Variants in TTI1 observed in about 807,000 individuals in gnomAD.
TTI1 encodes TELO2 interacting protein 1.
A neutral mutation model predicts 85.4 loss-of-function variants in TTI1; 52 were observed. That is an observed-to-expected ratio of 0.61 (90% CI 0.49 to 0.77). TTI1 has a LOEUF of 0.77. TTI1 is among the 30% of genes least tolerant of loss of function. The pLI is 0.00. For synonymous variants in TTI1, 512 were observed against 503.9 expected (o/e 1.02, Z -0.22); for missense variants, 1,173 against 1,296.0 (o/e 0.91, Z 1.46).
intron 1 of TTI1, among the ~76,000 whole-genome samples, chr20:38,026,084 T>C (rs2073833437): frequency 6.6e-6 from 1 of 152,204 alleles, no homozygotes; most frequent in Non-Finnish European, 1.5e-5. Context: ...AGACTCTTCA[T>C]AATTTAATTT....
At chr20:38,025,499 G>A (rs1444790382) in intron 1 of TTI1, among the ~76,000 whole-genome samples, 1 of 151,946 alleles carries the variant, frequency 6.6e-6, no homozygotes, top group African/African-American at 2.4e-5. Context: ...AACCCGGAAG[G>A]TGGAGGTTGC....
At chr20:37,984,738 T>C (rs963207450) in intron 7 of TTI1, among the ~76,000 whole-genome samples, 1 of 152,180 alleles carries the variant, frequency 6.6e-6, no homozygotes, top group African/African-American at 2.4e-5. Context: ...CTAGCACATA[T>C]TGACCATTGA....
chr20:38,011,233 C>T (rs1007819943), intron 2 of TTI1, among the ~76,000 whole-genome samples: 10 of 152,210 alleles, frequency 6.6e-5, no homozygotes, highest in African/African-American at 2.4e-4. Flanking sequence ...TAGGATGTCA[C>T]TGACCCTTAG....
In TTI1 at chr20:37,999,199, T is replaced by C; in HGVS notation, c.2782A>G (p.Arg928Gly). 1 of 1,471,242 alleles carries C rather than the reference T, an allele frequency of 6.8e-7. No homozygotes were observed. Among genetic ancestry groups the C allele is most frequent in the East Asian group, 2.6e-5 (1 of 38,634 alleles). The allele number at this position is 1,471,242 out of a possible 1,614,324, so 91.1% of individuals were successfully genotyped here. A position where few individuals can be genotyped will look rare whatever the true frequency, so the allele number is the denominator to read the frequency against. ...LTRDAPLAVL[R>G]AFKVLRTLGS... ...TGCTGGTGCAGTACCTTGAAGGCTCTAAGCACTGCCAGGGGGGCGTCCCGT... is the reference window on the plus strand; with the variant it reads ...TGCTGGTGCAGTACCTTGAAGGCTCCAAGCACTGCCAGGGGGGCGTCCCGT... Residue 928 changes from arginine (R) to glycine (G), a missense_variant, in exon 5 of 8, where the codon AGA becomes GGA. Transcript: ENST00000373447.
chr20:38,026,079 C>T (rs1393877283), intron 1 of TTI1, among the ~76,000 whole-genome samples: 1 of 152,200 alleles, frequency 6.6e-6, no homozygotes, highest in Non-Finnish European at 1.5e-5. Flanking sequence ...TCCCAAGACT[C>T]TTCATAATTT....
chr20:38,020,848 G>A (rs1316208368), intron 1 of TTI1, among the ~76,000 whole-genome samples: 1 of 152,150 alleles, frequency 6.6e-6, no homozygotes, highest in Non-Finnish European at 1.5e-5. Context: ...GAAAATACTA[G>A]GTGCTGGCAA....
chr20:37,994,883 A>G (rs1485505512), intron 7 of TTI1, among the ~76,000 whole-genome samples: 1 of 152,240 alleles, frequency 6.6e-6, no homozygotes, highest in Non-Finnish European at 1.5e-5. Context: ...CTAGAAATGA[A>G]AAGATAATGA....
At position 38,013,313 on chromosome 20, in the gene TTI1, C is replaced by T. The variant is rs1162171162; in HGVS notation, c.504G>A (p.Lys168=). ...ATTTTAAGGCAGCAATTTTAATTTGCTTTGATTTCTCCTGTTCTGCAAGGC... is the reference window on the plus strand; with the variant it reads ...ATTTTAAGGCAGCAATTTTAATTTGTTTTGATTTCTCCTGTTCTGCAAGGC... The part of the protein sequence containing the change: ...LLGLAEQEKS[K]QIKIAALKCL... Residue 168 remains lysine, a synonymous_variant, in exon 2 of 8, where the codon AAG becomes AAA. Transcript: ENST00000373447. 3 of 1,613,948 alleles carry T rather than the reference C, an allele frequency of 1.9e-6. No individual in the cohort carries two copies. Among genetic ancestry groups the T allele is most frequent in the African/African-American group, 1.3e-5 (1 of 74,906 alleles).
chr20:38,023,582 T>A (rs1467622959), intron 1 of TTI1, among the ~76,000 whole-genome samples: 1 of 152,224 alleles, frequency 6.6e-6, no homozygotes, highest in Non-Finnish European at 1.5e-5. Context: ...AGGACTACTA[T>A]CTTGGGTTAA....
intron 7 of TTI1, among the ~76,000 whole-genome samples, chr20:37,986,837 T>C (rs1459580484): frequency 6.6e-6 from 1 of 152,242 alleles, no homozygotes; most frequent in African/African-American, 2.4e-5. Context: ...AATTTTCAGA[T>C]ACCCTGAAAA....
In TTI1 at chr20:38,009,709, C is replaced by T. The variant is rs530253935; in HGVS notation, c.2302+1806G>A. Among the ~76,000 whole-genome samples, 3 of 152,190 alleles carry T rather than the reference C, an allele frequency of 2.0e-5. No homozygotes were observed. The East Asian group carries it at 5.8e-4, about 29-fold the overall frequency. On this transcript the variant is annotated intron_variant, in intron 2 of 7. Coordinates refer to ENST00000373447, the MANE Select transcript of TTI1 (RefSeq NM_001303457.2). ...GTAGAGACGAGGCCATACTAGGTTG[C>T]CCAGGCTGGTCTTGAACTCCTGGGC...
At chr20:38,011,383 G>A in intron 2 of TTI1, 132 bp downstream of exon 2, 1 of 992,782 alleles carries the variant, frequency 1.0e-6, no homozygotes. Context: ...CATAACCTAT[G>A]GGACTGGAGA....
intron 7 of TTI1, among the ~76,000 whole-genome samples, chr20:37,992,974 A>T (rs2073285880): frequency 6.6e-6 from 1 of 152,106 alleles, no homozygotes; most frequent in Non-Finnish European, 1.5e-5. Flanking sequence ...TGTTGTCTGT[A>T]ATCCAACGCC....
chr20:38,017,429 T>TGC (rs1489556129), intron 1 of TTI1, among the ~76,000 whole-genome samples: 28 of 149,658 alleles, frequency 1.9e-4, no homozygotes, highest in African/African-American at 7.1e-4. Flanking sequence ...TGTGTGTGTG[T>TGC]GTGTGTGCGC....
intron 7 of TTI1, among the ~76,000 whole-genome samples, chr20:37,995,219 G>T (rs2073322041): frequency 6.6e-6 from 1 of 152,178 alleles, no homozygotes; most frequent in Non-Finnish European, 1.5e-5. Flanking sequence ...TGGGACTAAG[G>T]GATGTGACGG....
At chr20:37,989,545 T>C (rs1222149776) in intron 7 of TTI1, among the ~76,000 whole-genome samples, 1 of 152,268 alleles carries the variant, frequency 6.6e-6, no homozygotes, top group African/African-American at 2.4e-5. Context: ...AAAGCAGCCC[T>C]TTCCATCTGG....
chr20:38,022,510 T>C (rs956586051), intron 1 of TTI1, among the ~76,000 whole-genome samples: 3 of 152,198 alleles, frequency 2.0e-5, no homozygotes, highest in Admixed American at 6.5e-5. Flanking sequence ...ATTGAATTAG[T>C]GGTCATAATG....
In TTI1 at chr20:37,994,515, C is replaced by T. The variant is rs1182474583; in HGVS notation, c.3086+1860G>A. On this transcript the variant is annotated intron_variant, in intron 7 of 7. Coordinates refer to ENST00000373447, the MANE Select transcript of TTI1 (RefSeq NM_001303457.2). ...TGCGGTAATGAGGCTCACAGAGAGACCAGGTTTCCTATTGTCTCAGGCTTC... is the reference window on the plus strand; with the variant it reads ...TGCGGTAATGAGGCTCACAGAGAGATCAGGTTTCCTATTGTCTCAGGCTTC... 3.7e-5 allele frequency among the ~76,000 whole-genome samples: 5 copies of T among 134,702 alleles called. No individual in the cohort carries two copies. The Admixed American group carries it at 4.3e-4, about 12-fold the overall frequency. The allele number at this position is 134,702 out of a possible 152,430, so 88.4% of individuals were successfully genotyped here. A position where few individuals can be genotyped will look rare whatever the true frequency, so the allele number is the denominator to read the frequency against.
At chr20:37,985,885 A>G (rs1462383391) in intron 7 of TTI1, among the ~76,000 whole-genome samples, 1 of 152,090 alleles carries the variant, frequency 6.6e-6, no homozygotes, top group Non-Finnish European at 1.5e-5. Flanking sequence ...TTGCTAGGAT[A>G]ATCTTGTGTT....
Sources: gnomAD v4.1 joint callset for allele counts (sites outside exome capture counted in the v4.1 genomes callset) on GRCh38, gnomAD v4.1.1 for gene constraint, MANE v1.5 for transcripts, NCBI Gene and HGNC (gene_info 2026-07-23, HGNC 2026-07-21) for gene names.